The following STARD13 variants were observed in gnomAD, a reference collection of about 807,000 sequenced individuals.
STARD13 encodes stAR-related lipid transfer protein 13.
In STARD13, 62 loss-of-function variants were observed where a neutral mutation model predicts 106.4. That is an observed-to-expected ratio of 0.58 (90% CI 0.48 to 0.72). The LOEUF (loss-of-function observed/expected upper bound fraction) is 0.72. Ranked by LOEUF, STARD13 falls within the 30% of genes least tolerant of loss-of-function variation. The pLI is 0.00. For missense variants in STARD13, 1,387 were observed against 1,424.0 expected (o/e 0.97, Z 0.42); for synonymous variants, 565 against 553.0 (o/e 1.02, Z -0.31).
intron 1 of STARD13, chr13:33,273,803 T>C (rs1206283889): frequency 1.3e-5 from 2 of 152,226 alleles, no homozygotes; most frequent in Non-Finnish European, 1.5e-5. Flanking sequence ...CACAAAGATA[T>C]GTAAAACTGG....
At chr13:33,575,380 T>A in the STARD13 span, among the ~76,000 whole-genome samples, 2 of 152,196 alleles carry the variant, frequency 1.3e-5, no homozygotes, top group African/African-American at 4.8e-5. Flanking sequence ...CCTGCCCACA[T>A]TGGCCAAATT....
chr13:33,546,633 ATTGTG>A, the STARD13 span, among the ~76,000 whole-genome samples: 1 of 150,470 alleles, frequency 6.6e-6, no homozygotes, highest in African/African-American at 2.5e-5. Context: ...TTTATTTATT[ATTGTG>A]TTGTCGTATT....
chr13:33,267,565 T>C (rs1890957931), intron 1 of STARD13, among the ~76,000 whole-genome samples: 1 of 152,332 alleles, frequency 6.6e-6, no homozygotes, highest in South Asian at 2.1e-4. Flanking sequence ...CCCAAGGACC[T>C]GAGAGCACCT....
chr13:33,122,994 T>C (rs1390112099), intron 7 of STARD13, among the ~76,000 whole-genome samples: 2 of 134,044 alleles, frequency 1.5e-5, no homozygotes, highest in Admixed American at 1.8e-4. Flanking sequence ...AGGCGGAGGT[T>C]GCAGTGAGCT....
the STARD13 span, among the ~76,000 whole-genome samples, chr13:33,520,832 C>T: frequency 1.6e-4 from 25 of 152,178 alleles, no homozygotes; most frequent in East Asian, 4.8e-3. Flanking sequence ...CTTCTCTTCT[C>T]CCATATTTCC....
At chr13:33,228,763 CT>C (rs1051551332) in intron 1 of STARD13, among the ~76,000 whole-genome samples, 1 of 152,120 alleles carries the variant, frequency 6.6e-6, no homozygotes, top group African/African-American at 2.4e-5. Flanking sequence ...CTGTGAAGAG[CT>C]TTTTTCCCCC....
the STARD13 span, among the ~76,000 whole-genome samples, chr13:33,542,245 G>T: frequency 6.6e-6 from 1 of 152,100 alleles, no homozygotes; most frequent in African/African-American, 2.4e-5. Flanking sequence ...GGATCAAGCC[G>T]GTTCACTAAG....
intron 3 of STARD13, among the ~76,000 whole-genome samples, chr13:33,144,179 T>C (rs570131702): frequency 3.3e-5 from 5 of 152,344 alleles, no homozygotes; most frequent in Admixed American, 3.3e-4. Context: ...CCCAGGCATC[T>C]CATCTGAGGC....
intron 1 of STARD13, among the ~76,000 whole-genome samples, chr13:33,236,410 GC>G (rs1461652230): frequency 3.3e-5 from 5 of 152,240 alleles, no homozygotes; most frequent in African/African-American, 1.2e-4. Flanking sequence ...ACGCATGGCT[GC>G]GTGAGTGTTA....
At chr13:33,174,292 T>G (rs1304259861) in intron 1 of STARD13, among the ~76,000 whole-genome samples, 1 of 152,136 alleles carries the variant, frequency 6.6e-6, no homozygotes, top group Non-Finnish European at 1.5e-5. Context: ...ATATACTATA[T>G]AGTCACACAC....
the STARD13 span, among the ~76,000 whole-genome samples, chr13:33,464,415 G>A: frequency 6.6e-6 from 1 of 152,140 alleles, no homozygotes; most frequent in African/African-American, 2.4e-5. Flanking sequence ...TTTGATAAGA[G>A]ATGACACAAA....
chr13:33,364,805 C>T, the STARD13 span, among the ~76,000 whole-genome samples: 3 of 152,244 alleles, frequency 2.0e-5, no homozygotes, highest in East Asian at 1.9e-4. Context: ...AGGAGAATGG[C>T]GTGAACCCGG....
chr13:33,307,739 C>A (rs1204624118), intron 1 of STARD13, among the ~76,000 whole-genome samples: 1 of 152,060 alleles, frequency 6.6e-6, no homozygotes, highest in Non-Finnish European at 1.5e-5. Flanking sequence ...GGGTTCATAG[C>A]TGCAGCAAAC....
the STARD13 span, among the ~76,000 whole-genome samples, chr13:33,478,986 T>C: frequency 6.6e-6 from 1 of 152,062 alleles, no homozygotes; most frequent in East Asian, 1.9e-4. Flanking sequence ...ATATATCCCA[T>C]TCAAAAAATT....
chr13:33,577,798 G>T, the STARD13 span, among the ~76,000 whole-genome samples: 3 of 151,972 alleles, frequency 2.0e-5, no homozygotes, highest in East Asian at 5.8e-4. Flanking sequence ...GGTAACCTTG[G>T]GTTTGATGAT....
chr13:33,600,563 G>T, the STARD13 span, among the ~76,000 whole-genome samples: 4 of 152,130 alleles, frequency 2.6e-5, no homozygotes, highest in African/African-American at 9.7e-5. Context: ...TGGGTGAAAT[G>T]TTAATTTGTG....
At chr13:33,503,285 A>T in the STARD13 span, among the ~76,000 whole-genome samples, 2 of 151,928 alleles carry the variant, frequency 1.3e-5, no homozygotes, top group African/African-American at 2.4e-5. Flanking sequence ...CTTCTTTATT[A>T]GTCTTGCTAG....
intron 1 of STARD13, among the ~76,000 whole-genome samples, chr13:33,204,171 G>A (rs1449971337): frequency 6.6e-6 from 1 of 152,174 alleles, no homozygotes; most frequent in Non-Finnish European, 1.5e-5. Flanking sequence ...AGAAAAACAG[G>A]TGCGGATGCT....
Position 33,314,707 on chromosome 13 carries a change from G to C in STARD13, c.124+35583C>G, listed in dbSNP as rs1893264080. 2.0e-5 allele frequency among the ~76,000 whole-genome samples: 3 copies of C among 152,120 alleles called. No homozygotes were observed. The South Asian group carries it at 6.2e-4, about 32-fold the overall frequency. ...TTATTATCCCTATGCTACAGACAAA[G>C]AAATGACCAGAAAACTAAGCAGTAG... is the stretch of plus-strand genomic sequence containing the variant. On this transcript the variant is annotated intron_variant, in intron 1 of 5. Transcript: ENST00000567873.
Sources: allele counts gnomAD v4.1 joint callset (sites outside exome capture counted in the v4.1 genomes callset), GRCh38; gene constraint gnomAD v4.1.1; transcripts MANE v1.5; gene names NCBI Gene and HGNC (gene_info 2026-07-23, HGNC 2026-07-21).